The following TANK variants were observed in gnomAD, a reference collection of about 807,000 sequenced individuals.
The protein encoded by TANK is TRAF family member associated NFKB activator, also known as TRAF family member-associated NF-kappa-B activator.
Under a neutral mutation model 43.6 loss-of-function variants are expected in TANK, and 15 were observed. That is an observed-to-expected ratio of 0.34 (90% confidence interval 0.23 to 0.53). TANK has a LOEUF of 0.53. Among genes scored for constraint, TANK ranks in the 20% least tolerant of loss-of-function variants. The pLI is 0.94. For synonymous variants in TANK, 162 were observed against 178.2 expected (o/e 0.91, Z 0.73); for missense variants, 417 against 498.6 (o/e 0.84, Z 1.56).
At chr2:161,216,108 T>C (rs1219169545) in intron 4 of TANK, among the ~76,000 whole-genome samples, 3 of 152,196 alleles carry the variant, frequency 2.0e-5, no homozygotes, top group Admixed American at 2.0e-4. Flanking sequence ...CATTTAAGCT[T>C]AGTTTCCTCT....
At chr2:161,212,667 C>G (rs1249457527) in intron 4 of TANK, 34 of 985,176 alleles carry the variant, frequency 3.5e-5, no homozygotes, top group Non-Finnish European at 4.0e-5. Flanking sequence ...CTTATTTCCC[C>G]TATCATCCCT....
upstream of TANK, chr2:161,156,469 A>G (rs563008378): frequency 1.1e-5 from 7 of 656,684 alleles, no homozygotes; most frequent in South Asian, 2.7e-4. Flanking sequence ...GATTCTCTCC[A>G]TATACTTCTG....
chr2:161,192,544 G>A lies in TANK; in HGVS notation c.100-10943G>A, dbSNP rs528770577. ...CCATGCTGTTAAATTGTTTTTTTTA[G>A]AACCTCTAGTCTTAAAACATGGCTC... is the stretch of plus-strand genomic sequence containing the variant. On this transcript the variant is annotated intron_variant, in intron 2 of 7. Coordinates refer to ENST00000392749, the MANE Select transcript of TANK (RefSeq NM_001199135.3). 1.1e-4 allele frequency among the ~76,000 whole-genome samples: 17 copies of A among 151,860 alleles called. No homozygotes were observed. The East Asian group carries it at 3.3e-3, about 29-fold the overall frequency.
rs1687898589 is a variant in TANK at position 161,231,313 on chromosome 2, T to C, written c.863T>C (p.Phe288Ser). 6.2e-7 allele frequency: 1 copy of C among 1,614,058 alleles called. No homozygotes were observed. Among genetic ancestry groups the C allele is most frequent in the Admixed American group, 1.7e-5 (1 of 60,002 alleles). ...GNFVKTEETL[F>S]EIQGIDPIAS... is the part of the protein sequence containing the mutation. ...TTTGTTAAAACAGAAGAAACTTTAT[T>C]TGAAATTCAGGGAATTGACCCCATA... The change falls in exon 7 of 8, where the codon TTT becomes TCT. Residue 288 changes from phenylalanine to serine, a missense_variant. By Grantham distance (155) the Phe-to-Ser change is radical. Transcript: ENST00000392749.
intron 1 of TANK, among the ~76,000 whole-genome samples, chr2:161,178,125 A>G (rs750898625): frequency 7.9e-5 from 12 of 152,142 alleles, no homozygotes; most frequent in Admixed American, 3.3e-4. Context: ...AGTTAAAGAT[A>G]GAATTACCAT....
chr2:161,221,357 C>T (rs1472033620), intron 4 of TANK, among the ~76,000 whole-genome samples: 3 of 152,138 alleles, frequency 2.0e-5, no homozygotes, highest in African/African-American at 4.8e-5. Flanking sequence ...ACAACTTCAT[C>T]TTCCTGCAGT....
chr2:161,179,840 A>G (rs1458262401), intron 2 of TANK, 79 bp downstream of exon 2: 7 of 1,488,658 alleles, frequency 4.7e-6, no homozygotes, highest in Admixed American at 2.2e-5. Context: ...GAAAAATGTT[A>G]TATTGTTAGA....
chr2:161,207,127 T>A (rs2105351207), intron 4 of TANK, among the ~76,000 whole-genome samples: 1 of 152,248 alleles, frequency 6.6e-6, no homozygotes, highest in East Asian at 1.9e-4. Flanking sequence ...AAAAATTATA[T>A]TTGTTTAAAT....
intron 1 of TANK, among the ~76,000 whole-genome samples, chr2:161,153,656 C>T (rs1684140092): frequency 7.3e-6 from 1 of 136,878 alleles, no homozygotes; most frequent in African/African-American, 2.7e-5. Context: ...CCCTGCACTC[C>T]AGCCTGGGTG....
chr2:161,225,942 A>C (rs991849975), intron 6 of TANK, among the ~76,000 whole-genome samples: 7 of 152,206 alleles, frequency 4.6e-5, no homozygotes, highest in Non-Finnish European at 7.4e-5. Flanking sequence ...CCACCTCCCC[A>C]AAAACAACTC....
intron 1 of TANK, chr2:161,160,930 T>C: frequency 2.4e-6 from 1 of 421,452 alleles, no homozygotes; most frequent in South Asian, 2.0e-5. Flanking sequence ...TAATTGGTTC[T>C]TTCTGTTGTT....
intron 4 of TANK, chr2:161,223,333 G>T (rs1687448710): frequency 6.6e-6 from 1 of 152,034 alleles, no homozygotes; most frequent in African/African-American, 2.4e-5. Flanking sequence ...AAGCCACAGG[G>T]TGGGAGTGAA....
intron 1 of TANK, among the ~76,000 whole-genome samples, chr2:161,168,746 T>A (rs1339600274): frequency 1.3e-5 from 2 of 152,140 alleles, no homozygotes; most frequent in Non-Finnish European, 2.9e-5. Context: ...GGCACAAGAA[T>A]CGCTTGAATC....
intron 1 of TANK, chr2:161,137,328 AGCCTGG>A: frequency 1.4e-6 from 1 of 710,972 alleles, no homozygotes; most frequent in Non-Finnish European, 1.7e-6. Context: ...GTTTGAGGCC[AGCCTGG>A]GCAACATAGT....
chr2:161,161,619 A>G (rs1684441327), intron 1 of TANK: 9 of 742,732 alleles, frequency 1.2e-5, no homozygotes, highest in Admixed American at 6.0e-5. Context: ...GAGATTATGC[A>G]TACTGTTCGA....
At chr2:161,182,083 GA>G (rs1253106195) in intron 2 of TANK, among the ~76,000 whole-genome samples, 1 of 151,418 alleles carries the variant, frequency 6.6e-6, no homozygotes, top group Non-Finnish European at 1.5e-5. Context: ...TTAGAATTTG[GA>G]TTTTTTTTTT....
intron 1 of TANK, chr2:161,160,829 A>G (rs1402632623): frequency 5.6e-6 from 3 of 533,236 alleles, no homozygotes; most frequent in South Asian, 4.6e-5. Flanking sequence ...CGAGGTGAGC[A>G]GTGGACCCTC....
At chr2:161,205,587 A>G (rs543853146) in intron 4 of TANK, among the ~76,000 whole-genome samples, 13 of 152,312 alleles carry the variant, frequency 8.5e-5, no homozygotes, top group African/African-American at 2.9e-4. Flanking sequence ...GGAGACATAT[A>G]CAAGGACGTT....
rs542336972 is a variant in TANK, at chr2:161,192,328, G to A, written c.100-11159G>A. Among the ~76,000 whole-genome samples, 47 of 152,210 alleles carry A rather than the reference G, an allele frequency of 3.1e-4. No homozygotes were observed. In the South Asian group the frequency reaches 7.7e-3, roughly 25 times the overall value. ...TAATGAGTTTAATAAGCTGCTGCGT[G>A]GAATAATACTACCTTTTATTTTCCC... On this transcript the variant is annotated intron_variant, in intron 2 of 7. Transcript: ENST00000392749.
Sources: allele counts gnomAD v4.1 joint callset (sites outside exome capture counted in the v4.1 genomes callset), GRCh38; gene constraint gnomAD v4.1.1; transcripts MANE v1.5; gene names NCBI Gene and HGNC (gene_info 2026-07-23, HGNC 2026-07-21).